DLG2: variants seen among roughly 807,000 people sequenced by gnomAD.
The protein encoded by DLG2 is discs large MAGUK scaffold protein 2.
Under a neutral mutation model 132.5 loss-of-function variants are expected in DLG2, and 45 were observed. That is an observed-to-expected ratio of 0.34 (90% CI 0.27 to 0.44). The LOEUF is 0.44. Ranked by LOEUF, DLG2 falls within the 20% of genes least tolerant of loss-of-function variation. The pLI is 1.00. For synonymous variants in DLG2, 424 were observed against 419.6 expected (o/e 1.01, Z -0.13); for missense variants, 1,045 against 1,196.9 (o/e 0.87, Z 1.87).
intron 6 of DLG2, among the ~76,000 whole-genome samples, chr11:84,746,757 C>T (rs553947094): frequency 6.6e-6 from 1 of 152,246 alleles, no homozygotes; most frequent in East Asian, 1.9e-4. Context: ...TATTTGTTGA[C>T]CACAAGCACT....
chr11:85,484,716 G>A (rs1054287636), intron 3 of DLG2, among the ~76,000 whole-genome samples: 1 of 151,362 alleles, frequency 6.6e-6, no homozygotes, highest in South Asian at 2.1e-4. Flanking sequence ...GTGCTGGAGA[G>A]GATGTGGAGA....
intron 6 of DLG2, among the ~76,000 whole-genome samples, chr11:84,840,794 G>C (rs188507368): frequency 2.6e-5 from 4 of 152,110 alleles, no homozygotes; most frequent in Non-Finnish European, 5.9e-5. Context: ...TGAACAATGA[G>C]AACACTTGGA....
chr11:85,457,292 G>A (rs372689783), intron 3 of DLG2, among the ~76,000 whole-genome samples: 1 of 151,752 alleles, frequency 6.6e-6, no homozygotes, highest in African/African-American at 2.4e-5. Context: ...TTGCTTGGTA[G>A]GTTTTTCTCC....
chr11:83,939,822 A>G (rs550363688), intron 14 of DLG2, among the ~76,000 whole-genome samples: 3 of 152,338 alleles, frequency 2.0e-5, no homozygotes, highest in African/African-American at 7.2e-5. Context: ...GACAAACTCT[A>G]CAGGGGGGAA....
chr11:83,890,073 C>A (rs934166205), intron 15 of DLG2, among the ~76,000 whole-genome samples: 5 of 151,884 alleles, frequency 3.3e-5, no homozygotes, highest in Non-Finnish European at 7.4e-5. Context: ...AACTAACCTG[C>A]ACATTGTGCA....
At chr11:84,754,035 C>T (rs536957976) in intron 6 of DLG2, among the ~76,000 whole-genome samples, 57 of 152,194 alleles carry the variant, frequency 3.7e-4, no homozygotes, top group Non-Finnish European at 6.3e-4. Flanking sequence ...GGGAGAAAAG[C>T]TTAACCAAAG....
intron 9 of DLG2, among the ~76,000 whole-genome samples, chr11:84,103,211 C>T (rs1177614739): frequency 6.6e-6 from 1 of 152,124 alleles, no homozygotes; most frequent in Non-Finnish European, 1.5e-5. Context: ...CCTTTTAAGT[C>T]TTTGCTACCA....
chr11:84,259,578 C>A (rs957082255), intron 7 of DLG2, among the ~76,000 whole-genome samples: 21 of 152,116 alleles, frequency 1.4e-4, no homozygotes, highest in Admixed American at 3.9e-4. Flanking sequence ...GTCAGGATGT[C>A]TAAAGGAAGC....
chr11:84,588,841 G>A, intron 6 of DLG2, among the ~76,000 whole-genome samples: 1 of 149,752 alleles, frequency 6.7e-6, no homozygotes. Flanking sequence ...CTTTGTCTAT[G>A]AAGCAGCCAT....
chr11:84,213,314 T>C (rs75384284), intron 8 of DLG2, among the ~76,000 whole-genome samples: 6,041 of 152,234 alleles, frequency 0.04, 182 homozygotes, highest in Non-Finnish European at 0.061. Flanking sequence ...TGCTAGGATG[T>C]GAGCTCCTTA....
chr11:84,911,174 C>CTTTGTTGT (rs1379514784), intron 6 of DLG2, among the ~76,000 whole-genome samples: 5 of 152,050 alleles, frequency 3.3e-5, no homozygotes, highest in Non-Finnish European at 5.9e-5. Context: ...AATGTTAATA[C>CTTTGTTGT]TTTGTTGTTT....
intron 4 of DLG2, among the ~76,000 whole-genome samples, chr11:85,155,231 A>G (rs2077513459): frequency 6.6e-6 from 1 of 152,220 alleles, no homozygotes; most frequent in African/African-American, 2.4e-5. Context: ...GTATCATGTG[A>G]CCATCTTTGC....
intron 6 of DLG2, among the ~76,000 whole-genome samples, chr11:84,598,427 T>G (rs555030301): frequency 1.3e-5 from 2 of 152,310 alleles, no homozygotes; most frequent in Admixed American, 1.3e-4. Context: ...TGGCTCCACT[T>G]TGCAGCTAAG....
At chr11:84,779,122 G>A (rs2071228062) in intron 6 of DLG2, among the ~76,000 whole-genome samples, 2 of 151,978 alleles carry the variant, frequency 1.3e-5, no homozygotes, top group Admixed American at 1.3e-4. Flanking sequence ...ATGGCCTACT[G>A]TGGGACTTCA....
intron 6 of DLG2, among the ~76,000 whole-genome samples, chr11:84,633,056 C>A (rs2154544020): frequency 6.6e-6 from 1 of 152,254 alleles, no homozygotes; most frequent in African/African-American, 2.4e-5. Context: ...ACTGGCTACC[C>A]AGAATAATTC....
intron 10 of DLG2, among the ~76,000 whole-genome samples, chr11:84,072,360 T>C (rs986101547): frequency 6.6e-6 from 1 of 152,230 alleles, no homozygotes; most frequent in African/African-American, 2.4e-5. Context: ...GTCTGTTAAG[T>C]ACCTTTAAAG....
intron 6 of DLG2, among the ~76,000 whole-genome samples, chr11:84,933,996 G>A (rs554358054): frequency 3.2e-4 from 48 of 151,984 alleles, no homozygotes; most frequent in Non-Finnish European, 5.7e-4. Context: ...GTTGGTTGTC[G>A]GTTTGTTCTA....
chr11:84,884,959 C>A (rs1362077265), intron 6 of DLG2, among the ~76,000 whole-genome samples: 1 of 151,982 alleles, frequency 6.6e-6, no homozygotes, highest in Non-Finnish European at 1.5e-5. Flanking sequence ...AACTAGCTGC[C>A]CATTAGCCAT....
intron 16 of DLG2, among the ~76,000 whole-genome samples, chr11:83,837,723 C>CAAAAAAAAAAAAAA (rs386374350): frequency 8.7e-5 from 4 of 45,948 alleles, no homozygotes; most frequent in Non-Finnish European, 1.1e-4. Flanking sequence ...ACATAGCAAG[C>CAAAAAAAAAAAAAA]AAAAAAAAAA....
Sources: gnomAD v4.1 joint callset for allele counts (sites outside exome capture counted in the v4.1 genomes callset) on GRCh38, gnomAD v4.1.1 for gene constraint, MANE v1.5 for transcripts, NCBI Gene and HGNC (gene_info 2026-07-23, HGNC 2026-07-21) for gene names.